Variants in RYR3 observed in about 807,000 individuals in gnomAD.
The protein encoded by RYR3 is ryanodine receptor 3, also known as brain ryanodine receptor-calcium release channel.
RYR3 carries 207 observed loss-of-function variants against 584.3 expected under a neutral mutation model. The observed-to-expected ratio is 0.35, with a 90% CI of 0.32 to 0.40. RYR3 has a LOEUF of 0.40. Ranked by LOEUF, RYR3 falls within the 10% of genes least tolerant of loss-of-function variation. RYR3 has a pLI of 1.00. For synonymous variants in RYR3, 2,416 were observed against 2,248.5 expected, an observed-to-expected ratio of 1.07 and a Z score of -2.11; for missense variants, 5,616 against 6,089.2, an observed-to-expected ratio of 0.92 and a Z score of 2.59.
At chr15:33,745,840 G>C (rs1037240777) in intron 52 of RYR3, among the ~76,000 whole-genome samples, 2 of 152,170 alleles carry the variant, frequency 1.3e-5, no homozygotes, top group African/African-American at 4.8e-5. Context: ...TGAGAAAGTG[G>C]AGAGGACAGC....
At chr15:33,447,456 C>T (rs1056999046) in intron 1 of RYR3, among the ~76,000 whole-genome samples, 1 of 152,174 alleles carries the variant, frequency 6.6e-6, no homozygotes, top group Admixed American at 6.5e-5. Flanking sequence ...TGCCCACTTA[C>T]TTTCCTCCGA....
chr15:33,723,040 T>C lies in RYR3; in HGVS notation c.6800+145T>C. The C allele has an allele frequency of 4.1e-6, 3 of 736,740 alleles. No homozygotes were observed. In the South Asian group the frequency reaches 6.8e-5, roughly 17 times the overall value. The allele number at this position is 736,740 out of a possible 1,614,324, so 45.6% of individuals were successfully genotyped here. On this transcript the variant is annotated intron_variant, in intron 44 of 103. Transcript: ENST00000634891. ...AACATTGACCCTTCATCGAGAACAG[T>C]GTTGTCTTAACTCTCCCAGTAAGGC...
At chr15:33,577,558 G>A (rs6495179) in intron 12 of RYR3, among the ~76,000 whole-genome samples, 4 of 151,878 alleles carry the variant, frequency 2.6e-5, no homozygotes, top group African/African-American at 4.8e-5. Flanking sequence ...GAGAACTGGC[G>A]AGCCATGTGC....
At chr15:33,600,517 G>A (rs2152549788) in intron 16 of RYR3, among the ~76,000 whole-genome samples, 1 of 152,118 alleles carries the variant, frequency 6.6e-6, no homozygotes. Context: ...GCAAGGAGAG[G>A]ACAGAGGAGA....
chr15:33,865,968 G>A lies in RYR3; in HGVS notation c.*742G>A, dbSNP rs1377877472. Reference sequence around the variant, plus strand: ...AGAAAAGTACTGTACTGAAAATTCAGAAAAAAAATCTCAACCTTATGCCAA... The same window carrying A: ...AGAAAAGTACTGTACTGAAAATTCAAAAAAAAAATCTCAACCTTATGCCAA... On this transcript the variant is annotated 3_prime_UTR_variant, in exon 104 of 104. Transcript: ENST00000634891. 6.6e-6 allele frequency: 1 copy of A among 152,648 alleles called. No individual in the cohort carries two copies. The highest frequency in any genetic ancestry group is 2.4e-5 in the African/African-American group (1 of 41,396). The allele number at this position is 152,648 out of a possible 1,614,324, so 9.5% of individuals were successfully genotyped here.
chr15:33,346,900 C>T (rs565765961), intron 1 of RYR3, among the ~76,000 whole-genome samples: 78 of 151,910 alleles, frequency 5.1e-4, no homozygotes, highest in Non-Finnish European at 7.8e-4. Flanking sequence ...GCCAGGAGTT[C>T]GAGACCAGCC....
intron 3 of RYR3, among the ~76,000 whole-genome samples, chr15:33,506,196 A>C (rs867310615): frequency 6.6e-6 from 1 of 152,206 alleles, no homozygotes; most frequent in African/African-American, 2.4e-5. Context: ...GGAGGGACGC[A>C]CTTTAATAAA....
intron 1 of RYR3, among the ~76,000 whole-genome samples, chr15:33,464,489 T>C (rs775092828): frequency 0.013 from 895 of 67,444 alleles, 49 homozygotes; most frequent in African/African-American, 0.059. Context: ...TATATATATA[T>C]ACACATATAT....
Position 33,838,830 on chromosome 15 carries a change from C to T in RYR3, c.12850C>T (p.Leu4284Phe), listed in dbSNP as rs1411898682. The change falls in exon 89 of 104, where the codon CTC (leucine) becomes TTC (phenylalanine). Residue 4284 changes from leucine to phenylalanine, a missense_variant. Coordinates refer to ENST00000634891, the MANE Select transcript of RYR3 (RefSeq NM_001036.6). ...AGATATCATGTCAGACCTCTTTGGACTCCACCCAAAGAAAGAGGGCAGCTT... is the reference window on the plus strand; with the variant it reads ...AGATATCATGTCAGACCTCTTTGGATTCCACCCAAAGAAAGAGGGCAGCTT... ...DTDIMSDLFGLHPKKEGSLKH... is the reference protein window; with the variant it reads ...DTDIMSDLFGFHPKKEGSLKH... 1 of 1,613,944 alleles carries T rather than the reference C, an allele frequency of 6.2e-7. No homozygotes were observed.
intron 1 of RYR3, among the ~76,000 whole-genome samples, chr15:33,435,477 G>A (rs577953927): frequency 1.3e-5 from 2 of 152,118 alleles, no homozygotes; most frequent in South Asian, 2.1e-4. Context: ...GTGTGTGTGT[G>A]CTATTTCACA....
chr15:33,677,854 C>A (rs553140613), intron 38 of RYR3, among the ~76,000 whole-genome samples: 1 of 152,164 alleles, frequency 6.6e-6, no homozygotes, highest in Admixed American at 6.5e-5. Context: ...GTCCTGAGAG[C>A]CAAGCTCTGT....
At chr15:33,702,115 A>T (rs564684902) in intron 42 of RYR3, among the ~76,000 whole-genome samples, 81 of 152,290 alleles carry the variant, frequency 5.3e-4, no homozygotes, top group African/African-American at 1.8e-3. Context: ...GGAGGCATAA[A>T]GAGATTGGGT....
intron 8 of RYR3, among the ~76,000 whole-genome samples, chr15:33,544,649 T>C (rs2056101163): frequency 6.6e-6 from 1 of 152,142 alleles, no homozygotes; most frequent in Admixed American, 6.6e-5. Flanking sequence ...GCAGAAGCAA[T>C]GTGCTTGAAT....
intron 1 of RYR3, among the ~76,000 whole-genome samples, chr15:33,371,955 G>C (rs2040363895): frequency 1.3e-5 from 2 of 152,240 alleles, no homozygotes; most frequent in African/African-American, 4.8e-5. Flanking sequence ...CAGCCAAGAT[G>C]CAAAGACCTG....
intron 38 of RYR3, among the ~76,000 whole-genome samples, chr15:33,686,257 C>T (rs918197583): frequency 1.2e-4 from 19 of 152,140 alleles, no homozygotes; most frequent in African/African-American, 4.6e-4. Flanking sequence ...CACCACCAAT[C>T]GCACAGAAAT....
rs192959442 is a variant in RYR3 at position 33,598,886 on chromosome 15, T to C, written c.1789-2533T>C. Among the ~76,000 whole-genome samples the C allele has an allele frequency of 1.3e-3, 203 of 152,138 alleles. 3 individuals are homozygous for C. Among genetic ancestry groups the C allele is most frequent in the African/African-American group, 4.6e-3 (193 of 41,510 alleles). ...GGCTAACACGGTGAAACCCTGTCTC[T>C]ACTAAAAAATACAAAAAAATTAGCC... On this transcript the variant is annotated intron_variant, in intron 16 of 103. Transcript: ENST00000634891.
intron 102 of RYR3, among the ~76,000 whole-genome samples, 194 bp downstream of exon 102, chr15:33,861,372 C>G (rs1888139127): frequency 6.6e-6 from 1 of 152,012 alleles, no homozygotes; most frequent in Non-Finnish European, 1.5e-5. Context: ...AATTCCCGCT[C>G]CTAGCAAAAG....
chr15:33,485,609 G>A (rs2050351679), intron 2 of RYR3, among the ~76,000 whole-genome samples: 1 of 152,210 alleles, frequency 6.6e-6, no homozygotes, highest in South Asian at 2.1e-4. Context: ...GTAGGTTTTT[G>A]TGCAGAAAGT....
chr15:33,788,358 AC>A lies in RYR3; in HGVS notation c.9733del (p.Gln3245ArgfsTer25). 1 of 1,613,926 alleles carries A rather than the reference AC, an allele frequency of 6.2e-7. No individual in the cohort carries two copies. The highest frequency in any genetic ancestry group is 8.5e-7 in the Non-Finnish European group (1 of 1,179,862). ...EQLKADGKGD[T>X]QEAELLILDE... is the part of the protein sequence containing the mutation. ...GTTGAAAGCCGATGGCAAAGGGGAC[AC>A]CCAGGAGGCAGAACTCCTCATCCTG... On this transcript the variant is annotated frameshift_variant, in exon 67 of 104. Coordinates refer to ENST00000634891, the MANE Select transcript of RYR3 (RefSeq NM_001036.6). LOFTEE classifies it high-confidence loss of function.
Sources: gnomAD v4.1 joint callset for allele counts (sites outside exome capture counted in the v4.1 genomes callset) on GRCh38, gnomAD v4.1.1 for gene constraint, MANE v1.5 for transcripts, NCBI Gene and HGNC (gene_info 2026-07-23, HGNC 2026-07-21) for gene names.